Variants in ADAM10 observed in about 807,000 individuals in gnomAD.
ADAM10 encodes disintegrin and metalloproteinase domain-containing protein 10.
ADAM10 carries 17 observed loss-of-function variants against 90.1 expected under a neutral mutation model. The ratio of observed to expected loss-of-function variants is 0.19; its 90% CI spans 0.13 to 0.28. The LOEUF (loss-of-function observed/expected upper bound fraction) is 0.28. Ranked by LOEUF, ADAM10 falls within the 10% of genes least tolerant of loss-of-function variation. The pLI, the probability that ADAM10 is intolerant of heterozygous loss-of-function variation, is 1.00. For missense variants in ADAM10, 610 were observed against 914.3 expected (o/e 0.67, Z 4.29); for synonymous variants, 310 against 298.6 (o/e 1.04, Z -0.40).
chr15:58,613,928 C>A (rs1476313323), intron 11 of ADAM10, among the ~76,000 whole-genome samples: 1 of 152,124 alleles, frequency 6.6e-6, no homozygotes. Flanking sequence ...TCAACCTAGG[C>A]AATGTAGTGA....
intron 1 of ADAM10, among the ~76,000 whole-genome samples, chr15:58,721,680 T>C (rs1898857908): frequency 6.6e-6 from 1 of 150,924 alleles, no homozygotes; most frequent in Non-Finnish European, 1.5e-5. Flanking sequence ...AGTCCAGGAG[T>C]TCAAGACCAG....
intron 5 of ADAM10, among the ~76,000 whole-genome samples, chr15:58,664,130 T>C (rs931458759): frequency 2.6e-5 from 4 of 152,086 alleles, no homozygotes; most frequent in South Asian, 2.1e-4. Flanking sequence ...CTGCTTGGAA[T>C]AGTCTTTCCA....
intron 5 of ADAM10, among the ~76,000 whole-genome samples, chr15:58,661,055 C>G (rs1174460829): frequency 5.3e-5 from 8 of 152,270 alleles, no homozygotes; most frequent in African/African-American, 1.9e-4. Flanking sequence ...AAAATTACAT[C>G]ACTTCACAAA....
rs1385403137 is a variant in ADAM10, at chr15:58,591,424, T to C, written c.*6123A>G. On this transcript the variant is annotated 3_prime_UTR_variant, in exon 16 of 16. Transcript: ENST00000260408. ...CTTCTATAGGAATTTGATTCACATT[T>C]AAAACACTTTTTTTTTTTCTTTGAG... 6.6e-6 allele frequency: 1 copy of C among 152,178 alleles called. No homozygotes were observed. The highest frequency in any genetic ancestry group is 1.5e-5 in the Non-Finnish European group (1 of 68,020). The allele number at this position is 152,178 out of a possible 1,614,324, so 9.4% of individuals were successfully genotyped here.
At chr15:58,706,793 G>A (rs541579793) in intron 2 of ADAM10, among the ~76,000 whole-genome samples, 40 of 152,114 alleles carry the variant, frequency 2.6e-4, no homozygotes, top group East Asian at 2.1e-3. Flanking sequence ...GGTGGATCAC[G>A]AGGTCAAGAG....
intron 11 of ADAM10, among the ~76,000 whole-genome samples, chr15:58,616,617 A>C (rs1895623655): frequency 1.3e-5 from 2 of 152,348 alleles, no homozygotes. Context: ...ACCAAATACT[A>C]TGGGATACAG....
intron 14 of ADAM10, among the ~76,000 whole-genome samples, chr15:58,603,889 A>T (rs1283256668): frequency 1.3e-5 from 2 of 151,380 alleles, no homozygotes; most frequent in South Asian, 2.1e-4. Context: ...AAAAAAAAAA[A>T]AAAAAAAAAA....
rs562107971 is a variant in ADAM10, at chr15:58,591,286, T to C, written c.*6261A>G. On this transcript the variant is annotated 3_prime_UTR_variant, in exon 16 of 16. Coordinates refer to ENST00000260408, the MANE Select transcript of ADAM10 (RefSeq NM_001110.4). ...TTGTAACTGGAGCAGAATATAATTA[T>C]GTTAGCTTGACTGGTTCAAGTTTAA... is the stretch of plus-strand genomic sequence containing the variant. 6.6e-6 allele frequency: 1 copy of C among 152,328 alleles called. No individual in the cohort carries two copies. Among genetic ancestry groups the C allele is most frequent in the South Asian group, 2.1e-4 (1 of 4,830 alleles). 9.4% of individuals were successfully genotyped at this position (152,328 alleles called of 1,614,324 possible).
chr15:58,724,148 G>C (rs2140827048), intron 1 of ADAM10, among the ~76,000 whole-genome samples: 1 of 151,136 alleles, frequency 6.6e-6, no homozygotes, highest in East Asian at 1.9e-4. Flanking sequence ...TTGCACTCCA[G>C]CCTAGGCAAC....
chr15:58,641,337 TCTC>T (rs1896411384), intron 7 of ADAM10, among the ~76,000 whole-genome samples: 1 of 152,178 alleles, frequency 6.6e-6, no homozygotes, highest in Admixed American at 6.5e-5. Context: ...TTAGTCCTAA[TCTC>T]CTACATATGG....
intron 1 of ADAM10, among the ~76,000 whole-genome samples, chr15:58,741,525 A>G (rs879607034): frequency 1.3e-5 from 2 of 152,126 alleles, no homozygotes; most frequent in Admixed American, 1.3e-4. Flanking sequence ...ACCCATCCCA[A>G]CCTATAAGCT....
Position 58,599,646 on chromosome 15 carries a change from G to T in ADAM10, c.2104C>A (p.His702Asn). Reference protein sequence around the residue: ...MAGFIKICSVHTPSSNPKLPP... With the variant: ...MAGFIKICSVNTPSSNPKLPP... ...AACTTTGGATTACTACTTGGAGTAT[G>T]AACACTGCATATCTTAATAAATCCA... Residue 702 changes from histidine (H) to asparagine (N), a missense_variant, in exon 15 of 16, where the codon CAT becomes AAT. This residue lies in a region of ADAM10 where 150 missense variants were observed against 268.5 expected (regional missense o/e 0.56). Transcript: ENST00000260408. 2 of 1,613,160 alleles carry T rather than the reference G, an allele frequency of 1.2e-6. No homozygotes were observed. Among genetic ancestry groups the T allele is most frequent in the Non-Finnish European group, 8.5e-7 (1 of 1,179,586 alleles).
At chr15:58,710,212 G>C (rs1234271964) in intron 2 of ADAM10, among the ~76,000 whole-genome samples, 4 of 152,282 alleles carry the variant, frequency 2.6e-5, no homozygotes, top group African/African-American at 9.6e-5. Context: ...CCAGGAGGCA[G>C]AGGTTGCGTG....
rs760123663 is a variant in ADAM10, at chr15:58,611,952, G to C, written c.1551C>G (p.Phe517Leu). 2 of 1,614,144 alleles carry C rather than the reference G, an allele frequency of 1.2e-6. No individual in the cohort carries two copies. The highest frequency in any genetic ancestry group is 2.2e-5 in the East Asian group (1 of 44,876). ...QGPCCTAQCA[F>L]KSKSEKCRDD... ...CCCGACACTTCTCAGACTTTGACTT[G>C]AATGCACACTGTGCTGTACAACAAG... The change falls in exon 12 of 16, where the codon TTC becomes TTG. Residue 517 changes from phenylalanine to leucine, a missense_variant. Physicochemically the swap from Phe to Leu is conservative, Grantham distance 22. Coordinates refer to ENST00000260408, the MANE Select transcript of ADAM10 (RefSeq NM_001110.4).
intron 1 of ADAM10, among the ~76,000 whole-genome samples, chr15:58,728,061 T>G (rs771945505): frequency 2.4e-4 from 37 of 152,190 alleles, no homozygotes; most frequent in Non-Finnish European, 4.9e-4. Context: ...TAAGGGCACA[T>G]GGAACAGTCA....
chr15:58,630,218 T>C (rs559862572), intron 9 of ADAM10, among the ~76,000 whole-genome samples: 41 of 152,326 alleles, frequency 2.7e-4, no homozygotes, highest in African/African-American at 9.4e-4. Flanking sequence ...CTTTTTGGTA[T>C]TATAAATAAA....
At chr15:58,696,205 T>C (rs1168634714) in intron 2 of ADAM10, among the ~76,000 whole-genome samples, 1 of 152,028 alleles carries the variant, frequency 6.6e-6, no homozygotes, top group African/African-American at 2.4e-5. Flanking sequence ...GGGAGAATCC[T>C]GAGCCCGGGA....
chr15:58,628,241 CAT>C (rs1401405360), intron 9 of ADAM10, among the ~76,000 whole-genome samples: 2 of 152,086 alleles, frequency 1.3e-5, no homozygotes, highest in Non-Finnish European at 1.5e-5. Context: ...GTCTCTAACA[CAT>C]ATGTTAAATT....
chr15:58,625,925 T>G (rs757511662), intron 10 of ADAM10, among the ~76,000 whole-genome samples: 2 of 152,208 alleles, frequency 1.3e-5, no homozygotes, highest in African/African-American at 2.4e-5. Context: ...GCTGTCTGAT[T>G]TTATTTATAT....
Sources: gnomAD v4.1 joint callset for allele counts (sites outside exome capture counted in the v4.1 genomes callset) on GRCh38, gnomAD v4.1.1 for gene constraint, gnomAD v4.1.1 regional missense constraint, MANE v1.5 for transcripts, NCBI Gene and HGNC (gene_info 2026-07-23, HGNC 2026-07-21) for gene names.